Variants in PDE4DIP observed in about 807,000 individuals in gnomAD.
PDE4DIP encodes the protein myomegalin.
In PDE4DIP, 59 loss-of-function variants were observed where a neutral mutation model predicts 221.4. That is an observed-to-expected ratio of 0.27 (90% CI 0.22 to 0.33). PDE4DIP has a LOEUF of 0.33. Among genes scored for constraint, PDE4DIP ranks in the 10% least tolerant of loss-of-function variants. The pLI is 1.00. For missense variants in PDE4DIP, 1,036 were observed against 2,154.2 expected, an observed-to-expected ratio of 0.48 and a Z score of 10.28; for synonymous variants, 404 against 815.9, an observed-to-expected ratio of 0.50 and a Z score of 8.60.
At chr1:148,815,547 C>CAAA (rs3978512) in intron 1 of PDE4DIP, among the ~76,000 whole-genome samples, 1 of 26,460 alleles carries the variant, frequency 3.8e-5, no homozygotes, top group African/African-American at 1.3e-4. Flanking sequence ...GACTCTGTCT[C>CAAA]AAAAAAAAAA....
At chr1:148,983,075 G>C (rs587753689) in intron 21 of PDE4DIP, 2 of 152,132 alleles carry the variant, frequency 1.3e-5, no homozygotes, top group Admixed American at 6.6e-5. Flanking sequence ...TTTAAGGAAG[G>C]AGATAGGAAG....
intron 21 of PDE4DIP, chr1:148,986,512 AAG>A (rs1491025454): frequency 5.9e-5 from 9 of 152,230 alleles, no homozygotes; most frequent in African/African-American, 2.2e-4. Flanking sequence ...TTTATAAAAA[AAG>A]TAGAGAAAGC....
chr1:148,967,190 A>C (rs2058339340), intron 12 of PDE4DIP, among the ~76,000 whole-genome samples: 1 of 151,220 alleles, frequency 6.6e-6, no homozygotes, highest in Non-Finnish European at 1.5e-5. Context: ...GAACTTTGTG[A>C]GGAGAGCCAG....
At chr1:148,968,378 ATG>A (rs2058569542) in intron 13 of PDE4DIP, among the ~76,000 whole-genome samples, 1 of 145,790 alleles carries the variant, frequency 6.9e-6, no homozygotes, top group Non-Finnish European at 1.5e-5. Context: ...TTCCTCCACC[ATG>A]TGCCATCAGT....
At chr1:148,864,873 A>G (rs1685907189) in intron 2 of PDE4DIP, among the ~76,000 whole-genome samples, 1 of 121,464 alleles carries the variant, frequency 8.2e-6, no homozygotes, top group South Asian at 2.5e-4. Context: ...TGTTTTACAG[A>G]GGCAATATAT....
At chr1:149,030,751 T>C (rs2076506708) in intron 43 of PDE4DIP, 1 of 985,244 alleles carries the variant, frequency 1.0e-6, no homozygotes, top group Admixed American at 6.1e-5. Flanking sequence ...AATTTGATTT[T>C]GCTATATCTT....
chr1:148,893,026 A>G (rs2149381149), intron 1 of PDE4DIP, among the ~76,000 whole-genome samples: 1 of 109,932 alleles, frequency 9.1e-6, no homozygotes, highest in South Asian at 3.7e-4. Flanking sequence ...CAGGTGTGCC[A>G]CCACACCTGG....
chr1:148,976,039 C>T (rs1301584864), intron 17 of PDE4DIP, among the ~76,000 whole-genome samples: 104 of 148,326 alleles, frequency 7.0e-4, no homozygotes, highest in East Asian at 2.0e-3. Flanking sequence ...TCCCCTAGTC[C>T]CCCTTCCTTT....
intron 4 of PDE4DIP, among the ~76,000 whole-genome samples, chr1:148,937,272 A>T (rs2798883): frequency 6.6e-6 from 1 of 152,336 alleles, no homozygotes; most frequent in South Asian, 2.1e-4. Flanking sequence ...CTGTAGCTGT[A>T]TGTCTTCTTA....
exon 33 of PDE4DIP, chr1:149,016,351 G>A (rs781842026): frequency 4.3e-5 from 68 of 1,574,874 alleles, no homozygotes; most frequent in Non-Finnish European, 4.8e-5. Context: ...GCAACGACTT[G>A]GAAGCCGACT....
chr1:149,000,495 A>G (rs2065370407), intron 23 of PDE4DIP, among the ~76,000 whole-genome samples: 1 of 151,786 alleles, frequency 6.6e-6, no homozygotes, highest in East Asian at 2.0e-4. Flanking sequence ...TGGAGGTTGC[A>G]GTGAGCCAAG....
intron 42 of PDE4DIP, 145 bp downstream of exon 45, chr1:149,030,070 G>A (rs2076290479): frequency 1.8e-6 from 2 of 1,095,852 alleles, no homozygotes; most frequent in South Asian, 1.4e-5. Flanking sequence ...TGTACCAGGA[G>A]CAATTGTGGC....
At chr1:148,855,199 GAGGAA>G (rs1432979496) in intron 1 of PDE4DIP, among the ~76,000 whole-genome samples, 1 of 42,438 alleles carries the variant, frequency 2.4e-5, no homozygotes, top group East Asian at 8.0e-4. Flanking sequence ...AGGGGAGGTA[GAGGAA>G]AATTTATTAG....
intron 3 of PDE4DIP, among the ~76,000 whole-genome samples, chr1:148,877,291 AT>A (rs1553420071): frequency 6.7e-6 from 1 of 148,978 alleles, no homozygotes; most frequent in Non-Finnish European, 1.5e-5. Context: ...GGAAGGATAC[AT>A]ACCAAAACAT....
At chr1:149,027,710 G>GT (rs1446941022) in intron 40 of PDE4DIP, 83 bp downstream of exon 43, 5 of 332,926 alleles carry the variant, frequency 1.5e-5, no homozygotes, top group South Asian at 6.3e-5. Flanking sequence ...CACCATTTTT[G>GT]TTTTTTTCAT....
At chr1:148,861,458 G>A (rs2762807) in intron 1 of PDE4DIP, among the ~76,000 whole-genome samples, 56 of 27,812 alleles carry the variant, frequency 2.0e-3, no homozygotes, top group East Asian at 0.013. Flanking sequence ...GACCAACACG[G>A]AGAAACCCCG....
chr1:148,887,392 G>A (rs368628246), upstream of PDE4DIP, among the ~76,000 whole-genome samples: 21 of 150,540 alleles, frequency 1.4e-4, no homozygotes, highest in African/African-American at 3.1e-4. Flanking sequence ...CAAGGCGGGC[G>A]GATCTCAAGG....
chr1:148,901,701 G>A (rs4649734), intron 1 of PDE4DIP, among the ~76,000 whole-genome samples: 6,941 of 85,280 alleles, frequency 0.081, 3 homozygotes, highest in East Asian at 0.24. Flanking sequence ...CCAGCATGAT[G>A]GCTATGATCT....
chr1:148,838,584 C>T lies in PDE4DIP; in HGVS notation c.234-24666C>T, dbSNP rs1274273017. ...GAATGCACCCGATCTCTTCTGAACC[C>T]AGCAAGTCCTGCCTCTTTATAATTC... On this transcript the variant is annotated intron_variant, in intron 1 of 45. Coordinates refer to the PDE4DIP transcript ENST00000524974. Among the ~76,000 whole-genome samples, 54 of 98,810 alleles carry T rather than the reference C, an allele frequency of 5.5e-4. 2 individuals are homozygous for T. The highest frequency in any genetic ancestry group is 4.7e-3 in the East Asian group (18 of 3,864). 64.8% of individuals were successfully genotyped at this position (98,810 alleles called of 152,430 possible). A position where few individuals can be genotyped will look rare whatever the true frequency, so the allele number is the denominator to read the frequency against.
Sources: allele counts gnomAD v4.1 joint callset (sites outside exome capture counted in the v4.1 genomes callset), GRCh38; gene constraint gnomAD v4.1.1; transcripts MANE v1.5; gene names NCBI Gene and HGNC (gene_info 2026-07-23, HGNC 2026-07-21).